NOX4: variants seen among roughly 807,000 people sequenced by gnomAD.
The protein encoded by NOX4 is kidney oxidase-1.
A neutral mutation model predicts 87.6 loss-of-function variants in NOX4; 69 were observed. That is an observed-to-expected ratio of 0.79 (90% CI 0.65 to 0.96). The LOEUF is 0.96. Ranked by LOEUF, NOX4 falls within the 40% of genes least tolerant of loss-of-function variation. The pLI is 0.00. For synonymous variants in NOX4, 275 were observed against 238.2 expected (o/e 1.15, Z -1.42); for missense variants, 680 against 681.5 (o/e 1.00, Z 0.02).
chr11:89,373,474 C>T lies in NOX4; in HGVS notation c.1093G>A (p.Ala365Thr). Residue 365 changes from alanine (A) to threonine (T), a missense_variant, in exon 12 of 18, where the codon GCA (alanine) becomes ACA (threonine). Coordinates refer to ENST00000263317, the MANE Select transcript of NOX4 (RefSeq NM_016931.5). ...TLTMCPTETKATFGVHLKIVG... is the reference protein window; with the variant it reads ...TLTMCPTETKTTFGVHLKIVG... Reference sequence around the variant, plus strand: ...ATTTTAAGATGAACCCCAAATGTTGCTTTGGTTTCAGTTGGACACTAAAAA... The same window carrying T: ...ATTTTAAGATGAACCCCAAATGTTGTTTTGGTTTCAGTTGGACACTAAAAA... 1 of 1,596,376 alleles carries T rather than the reference C, an allele frequency of 6.3e-7. No homozygotes were observed. The highest frequency in any genetic ancestry group is 8.6e-7 in the Non-Finnish European group (1 of 1,165,164).
the NOX4 span, among the ~76,000 whole-genome samples, chr11:89,528,219 C>T: frequency 3.3e-5 from 5 of 152,300 alleles, no homozygotes; most frequent in Admixed American, 2.6e-4. Flanking sequence ...AATGCCTGTA[C>T]ACCCCTTGTA....
chr11:89,478,511 G>A (rs1946259228), intron 2 of NOX4, among the ~76,000 whole-genome samples: 1 of 152,120 alleles, frequency 6.6e-6, no homozygotes, highest in Non-Finnish European at 1.5e-5. Context: ...TACCATAGTT[G>A]ATATTTGAGC....
chr11:89,508,116 C>A, the NOX4 span, among the ~76,000 whole-genome samples: 3 of 152,020 alleles, frequency 2.0e-5, no homozygotes, highest in Non-Finnish European at 4.4e-5. Context: ...GGTATGTAAA[C>A]TGACTTTCTT....
chr11:89,421,900 A>G lies in NOX4; in HGVS notation c.629+2T>C. ...TTTAAATACATACATTTGTAAACTT[A>G]CCCTGAAACATGCAACGTCAGCAGC... On this transcript the variant is annotated splice_donor_variant, in intron 8 of 17. Transcript: ENST00000263317. LOFTEE classifies it high-confidence loss of function. 6.4e-7 allele frequency: 1 copy of G among 1,556,334 alleles called. No individual in the cohort carries two copies. Among genetic ancestry groups the G allele is most frequent in the Non-Finnish European group, 8.7e-7 (1 of 1,150,786 alleles).
At chr11:89,374,239 G>T (rs1037565839) in intron 11 of NOX4, among the ~76,000 whole-genome samples, 2 of 152,142 alleles carry the variant, frequency 1.3e-5, no homozygotes, top group Admixed American at 6.5e-5. Context: ...AACTCATTTG[G>T]TAACAATACC....
the NOX4 span, among the ~76,000 whole-genome samples, chr11:89,566,730 G>A: frequency 6.6e-6 from 1 of 152,144 alleles, no homozygotes; most frequent in East Asian, 1.9e-4. Flanking sequence ...AGTGGAAAAA[G>A]GGAGCATGCA....
At chr11:89,444,985 C>T (rs527887251) in intron 4 of NOX4, among the ~76,000 whole-genome samples, 4 of 152,122 alleles carry the variant, frequency 2.6e-5, no homozygotes, top group East Asian at 1.9e-4. Flanking sequence ...GAGATGTGCA[C>T]GGGCCCATCA....
intron 2 of NOX4, among the ~76,000 whole-genome samples, chr11:89,479,844 C>G (rs1239075437): frequency 2.0e-5 from 3 of 152,108 alleles, no homozygotes; most frequent in African/African-American, 7.2e-5. Context: ...ATATCACAAA[C>G]TTGCTTTAGG....
chr11:89,404,268 GA>G (rs142216838), intron 8 of NOX4, among the ~76,000 whole-genome samples: 2,921 of 152,180 alleles, frequency 0.019, 78 homozygotes, highest in East Asian at 0.13. Context: ...CCATCGGAAG[GA>G]TAGTGACTGA....
the NOX4 span, among the ~76,000 whole-genome samples, chr11:89,555,865 G>A: frequency 1.1e-4 from 16 of 152,178 alleles, no homozygotes; most frequent in Non-Finnish European, 1.9e-4. Context: ...GGTATATACA[G>A]GAACTGTTCT....
chr11:89,329,356 G>GAAAAAAAAAAAA (rs377055666), intron 17 of NOX4, among the ~76,000 whole-genome samples: 183 of 34,494 alleles, frequency 5.3e-3, no homozygotes, highest in Middle Eastern at 0.037. Context: ...GAAAAAAACT[G>GAAAAAAAAAAAA]AAAAAAAAAA....
chr11:89,573,507 A>T, the NOX4 span, among the ~76,000 whole-genome samples: 1 of 152,168 alleles, frequency 6.6e-6, no homozygotes, highest in South Asian at 2.1e-4. Context: ...CACATGACTC[A>T]AACTTTTAAT....
chr11:89,390,952 C>T (rs1941077611), intron 11 of NOX4, among the ~76,000 whole-genome samples: 1 of 152,022 alleles, frequency 6.6e-6, no homozygotes, highest in South Asian at 2.1e-4. Context: ...CTTCTTTATC[C>T]CTCCAACATT....
chr11:89,327,095 A>G (rs573760444), intron 17 of NOX4, among the ~76,000 whole-genome samples: 30 of 152,330 alleles, frequency 2.0e-4, no homozygotes, highest in African/African-American at 7.2e-4. Context: ...GGATAATTCA[A>G]AGAATGTACC....
chr11:89,487,142 A>T (rs1326488225), intron 2 of NOX4, among the ~76,000 whole-genome samples: 1 of 152,208 alleles, frequency 6.6e-6, no homozygotes, highest in Non-Finnish European at 1.5e-5. Context: ...ATGAAAAAGC[A>T]GAGGTCAGAC....
intron 8 of NOX4, among the ~76,000 whole-genome samples, chr11:89,405,565 T>C (rs1455851769): frequency 6.6e-6 from 1 of 151,426 alleles, no homozygotes; most frequent in Non-Finnish European, 1.5e-5. Context: ...TAGTTGTAAC[T>C]CTTGCCACCA....
At chr11:89,422,217 T>C (rs144562713) in intron 7 of NOX4, among the ~76,000 whole-genome samples, 145 of 152,264 alleles carry the variant, frequency 9.5e-4, no homozygotes, top group African/African-American at 2.6e-3. Context: ...TAAAGACACA[T>C]GGAAATAATA....
At chr11:89,367,089 AG>A (rs1939061826) in intron 12 of NOX4, among the ~76,000 whole-genome samples, 1 of 152,166 alleles carries the variant, frequency 6.6e-6, no homozygotes, top group Non-Finnish European at 1.5e-5. Context: ...ATATTGTGAT[AG>A]TAAATAAGCC....
chr11:89,439,595 G>A (rs1944369175), intron 6 of NOX4, among the ~76,000 whole-genome samples: 2 of 152,148 alleles, frequency 1.3e-5, no homozygotes, highest in African/African-American at 2.4e-5. Flanking sequence ...ATACTTAATT[G>A]GGTATTACAC....
Sources: allele counts gnomAD v4.1 joint callset (sites outside exome capture counted in the v4.1 genomes callset), GRCh38; gene constraint gnomAD v4.1.1; transcripts MANE v1.5; gene names NCBI Gene and HGNC (gene_info 2026-07-23, HGNC 2026-07-21).